NTRK3: variants seen among roughly 807,000 people sequenced by gnomAD.
NTRK3 encodes the protein NT-3 growth factor receptor.
In NTRK3, 24 loss-of-function variants were observed where a neutral mutation model predicts 91.7. That is an observed-to-expected ratio of 0.26 (90% CI 0.19 to 0.37). The LOEUF (loss-of-function observed/expected upper bound fraction) is 0.37, where lower values mean the gene tolerates loss of function less well. Among genes scored for constraint, NTRK3 ranks in the 10% least tolerant of loss-of-function variants. The pLI is 1.00. For missense variants in NTRK3, 880 were observed against 1,068.9 expected, an observed-to-expected ratio of 0.82 and a Z score of 2.46; for synonymous variants, 483 against 404.0, an observed-to-expected ratio of 1.20 and a Z score of -2.34.
intron 5 of NTRK3, among the ~76,000 whole-genome samples, chr15:88,182,414 T>G (rs945025988): frequency 6.6e-6 from 1 of 152,166 alleles, no homozygotes; most frequent in African/African-American, 2.4e-5. Context: ...CCCCGGTGCA[T>G]GCAATTTCTC....
chr15:87,982,026 C>T (rs1365452955), intron 14 of NTRK3, among the ~76,000 whole-genome samples: 2 of 152,284 alleles, frequency 1.3e-5, no homozygotes, highest in East Asian at 3.9e-4. Context: ...CCTTTGGAGA[C>T]CATGCAGCAT....
chr15:88,089,193 G>A (rs1189112298), intron 13 of NTRK3, among the ~76,000 whole-genome samples: 1 of 152,162 alleles, frequency 6.6e-6, no homozygotes, highest in Non-Finnish European at 1.5e-5. Context: ...CGACATGCCT[G>A]CATTCAAATC....
chr15:88,192,323 T>G (rs1397182732), intron 3 of NTRK3, among the ~76,000 whole-genome samples: 2 of 152,136 alleles, frequency 1.3e-5, no homozygotes, highest in African/African-American at 4.8e-5. Flanking sequence ...TCCAGGCCAT[T>G]GTGGCTGAAC....
chr15:87,968,013 TG>T (rs1179791913), intron 14 of NTRK3, among the ~76,000 whole-genome samples: 1 of 152,212 alleles, frequency 6.6e-6, no homozygotes, highest in Non-Finnish European at 1.5e-5. Flanking sequence ...CAAAGGTCCC[TG>T]GTGGGCTCAA....
At chr15:88,215,485 T>G (rs1044025251) in intron 3 of NTRK3, among the ~76,000 whole-genome samples, 1 of 152,184 alleles carries the variant, frequency 6.6e-6, no homozygotes, top group African/African-American at 2.4e-5. Context: ...TGCTAGACAC[T>G]GTGTCCTGCG....
At chr15:87,886,664 T>A (rs1172577260) in intron 17 of NTRK3, among the ~76,000 whole-genome samples, 1 of 87,332 alleles carries the variant, frequency 1.1e-5, no homozygotes, top group Non-Finnish European at 2.4e-5. Context: ...AAGAGAAAAA[T>A]CCCACTTTTT....
At chr15:87,979,119 GA>G in intron 14 of NTRK3, 1 of 603,646 alleles carries the variant, frequency 1.7e-6, no homozygotes, top group Non-Finnish European at 2.9e-6. Context: ...CGTAGGCCGG[GA>G]AAAAAGGAGC....
chr15:88,139,354 T>C (rs1203155957), intron 6 of NTRK3, among the ~76,000 whole-genome samples: 1 of 152,112 alleles, frequency 6.6e-6, no homozygotes, highest in Non-Finnish European at 1.5e-5. Context: ...ATCAAGGAGA[T>C]GAATCTGTTG....
intron 3 of NTRK3, chr15:88,252,715 A>G (rs2053546962): frequency 6.6e-6 from 1 of 152,194 alleles, no homozygotes; most frequent in Non-Finnish European, 1.5e-5. Context: ...TCCAGGCTCC[A>G]TGAGGTTCCT....
chr15:88,214,310 C>T (rs1271343104), intron 3 of NTRK3, among the ~76,000 whole-genome samples: 1 of 152,122 alleles, frequency 6.6e-6, no homozygotes, highest in African/African-American at 2.4e-5. Context: ...TTCCTAGTTT[C>T]CAGGGGTTAC....
At chr15:88,213,578 G>C (rs1396864261) in intron 3 of NTRK3, among the ~76,000 whole-genome samples, 2 of 152,226 alleles carry the variant, frequency 1.3e-5, no homozygotes, top group African/African-American at 4.8e-5. Flanking sequence ...AGAAGCGGGA[G>C]TGTAGATGGA....
At chr15:87,986,430 C>A (rs967433775) in intron 14 of NTRK3, among the ~76,000 whole-genome samples, 1 of 152,218 alleles carries the variant, frequency 6.6e-6, no homozygotes, top group African/African-American at 2.4e-5. Context: ...CCCTGTTTCT[C>A]CTCTACCCCA....
chr15:88,163,526 A>T (rs1301601024), intron 5 of NTRK3, among the ~76,000 whole-genome samples: 2 of 152,196 alleles, frequency 1.3e-5, no homozygotes, highest in African/African-American at 4.8e-5. Context: ...TCAAAAGTCT[A>T]GCTGCCTCTT....
chr15:87,970,364 T>A (rs1212639916), intron 14 of NTRK3, among the ~76,000 whole-genome samples: 2 of 152,218 alleles, frequency 1.3e-5, no homozygotes, highest in Admixed American at 6.5e-5. Flanking sequence ...CCAGAATTTT[T>A]TCTGACTCTA....
chr15:87,880,556 AACT>A, intron 17 of NTRK3, 128 bp from the exon 19 acceptor site: 1 of 1,092,276 alleles, frequency 9.2e-7, no homozygotes, highest in Non-Finnish European at 1.3e-6. Context: ...AGCTTTATGC[AACT>A]TCTATCAGAG....
intron 5 of NTRK3, among the ~76,000 whole-genome samples, chr15:88,170,333 C>A (rs2045389847): frequency 6.6e-6 from 1 of 152,140 alleles, no homozygotes; most frequent in African/African-American, 2.4e-5. Context: ...AAACTGAGAC[C>A]AGGTTGCATT....
chr15:88,231,698 G>C (rs1364060710), intron 3 of NTRK3, among the ~76,000 whole-genome samples: 3 of 152,134 alleles, frequency 2.0e-5, no homozygotes. Context: ...GTTCTTCATA[G>C]TGAACACACT....
At chr15:88,089,617 G>A (rs2048824594) in intron 13 of NTRK3, among the ~76,000 whole-genome samples, 1 of 152,136 alleles carries the variant, frequency 6.6e-6, no homozygotes, top group Non-Finnish European at 1.5e-5. Flanking sequence ...ATTAGCCTTA[G>A]GGCACCTTGG....
intron 13 of NTRK3, among the ~76,000 whole-genome samples, chr15:88,039,155 A>ACG (rs1256880547): frequency 2.0e-5 from 3 of 148,454 alleles, no homozygotes; most frequent in African/African-American, 7.4e-5. Flanking sequence ...ACACACACAC[A>ACG]CACACACACG....
Sources: gnomAD v4.1 joint callset for allele counts (sites outside exome capture counted in the v4.1 genomes callset) on GRCh38, gnomAD v4.1.1 for gene constraint, MANE v1.5 for transcripts, NCBI Gene and HGNC (gene_info 2026-07-23, HGNC 2026-07-21) for gene names.